Variants in ADGRB3 observed in about 807,000 individuals in gnomAD.
The protein encoded by ADGRB3 is adhesion G protein-coupled receptor B3.
Under a neutral mutation model 193.4 loss-of-function variants are expected in ADGRB3, and 37 were observed. The ratio of observed to expected loss-of-function variants is 0.19; its 90% CI spans 0.15 to 0.25. ADGRB3 has a LOEUF of 0.25. Among genes scored for constraint, ADGRB3 ranks in the 10% least tolerant of loss-of-function variants. The pLI is 1.00. For missense variants in ADGRB3, 1,637 were observed against 1,852.9 expected (o/e 0.88, Z 2.14); for synonymous variants, 690 against 644.2 (o/e 1.07, Z -1.08).
intron 20 of ADGRB3, among the ~76,000 whole-genome samples, chr6:69,273,727 T>C (rs1767230065): frequency 6.6e-6 from 1 of 152,204 alleles, no homozygotes; most frequent in South Asian, 2.1e-4. Flanking sequence ...CAAGACAACC[T>C]TGAACAGTTG....
chr6:69,233,246 G>T, intron 17 of ADGRB3, 44 bp from the exon 18 acceptor site: 1 of 1,605,628 alleles, frequency 6.2e-7, no homozygotes, highest in African/African-American at 1.3e-5. Context: ...TTGGCTATCA[G>T]GCGTATTTAT....
At chr6:69,024,345 C>T (rs541423186) in intron 13 of ADGRB3, among the ~76,000 whole-genome samples, 3 of 152,252 alleles carry the variant, frequency 2.0e-5, no homozygotes, top group African/African-American at 7.2e-5. Context: ...ATGGGATTCT[C>T]AATTCTGTAA....
chr6:69,200,130 T>TA (rs3048267), intron 17 of ADGRB3, among the ~76,000 whole-genome samples: 18,233 of 148,724 alleles, frequency 0.12, 1,211 homozygotes, highest in Middle Eastern at 0.19. Flanking sequence ...AAGTTTTAAT[T>TA]AAAAAAAAAA....
At position 69,177,975 on chromosome 6, in the gene ADGRB3, T is replaced by C. The variant is rs191877361; in HGVS notation, c.2481-55315T>C. The stretch of plus-strand genomic sequence containing the variant: ...CTCCAATTGGTCAAGTGTCAGAGTT[T>C]AGTCCAGAATTTCTTTGTTAGTTTT... On this transcript the variant is annotated intron_variant, in intron 17 of 31. Transcript: ENST00000370598. 1.2e-4 allele frequency among the ~76,000 whole-genome samples: 18 copies of C among 152,316 alleles called. No individual in the cohort carries two copies. The East Asian group carries it at 3.1e-3, about 26-fold the overall frequency.
At chr6:69,031,058 T>TTTTTTTTC (rs1562128918) in intron 13 of ADGRB3, among the ~76,000 whole-genome samples, 2 of 32,032 alleles carry the variant, frequency 6.2e-5, no homozygotes, top group African/African-American at 2.0e-4. Flanking sequence ...TCTCTTCTCT[T>TTTTTTTTC]CTCTTCTCTT....
At chr6:69,155,465 T>G (rs1395767557) in intron 17 of ADGRB3, among the ~76,000 whole-genome samples, 2 of 152,374 alleles carry the variant, frequency 1.3e-5, no homozygotes, top group East Asian at 3.9e-4. Context: ...TATGCCATCA[T>G]GTACCACAGG....
chr6:69,330,611 A>G, intron 23 of ADGRB3, 39 bp downstream of exon 23: 1 of 1,524,336 alleles, frequency 6.6e-7, no homozygotes, highest in Non-Finnish European at 8.9e-7. Flanking sequence ...TTCTTAGGAA[A>G]AAAAAAAAAG....
chr6:69,264,666 T>C (rs1184617125), intron 20 of ADGRB3, among the ~76,000 whole-genome samples: 1 of 151,852 alleles, frequency 6.6e-6, no homozygotes, highest in African/African-American at 2.4e-5. Context: ...TGAACGAGTC[T>C]CACCCAAACT....
At chr6:68,817,361 A>G (rs1366382101) in intron 3 of ADGRB3, among the ~76,000 whole-genome samples, 84 of 79,440 alleles carry the variant, frequency 1.1e-3, no homozygotes, top group South Asian at 4.6e-3. Flanking sequence ...ATATATATAT[A>G]ATTTCTGACT....
intron 17 of ADGRB3, among the ~76,000 whole-genome samples, chr6:69,209,488 C>T (rs1765608869): frequency 6.6e-6 from 1 of 152,190 alleles, no homozygotes; most frequent in Non-Finnish European, 1.5e-5. Context: ...CCAGTAAGTC[C>T]AGTGTGTTTG....
chr6:69,210,415 A>T (rs1384002665), intron 17 of ADGRB3, among the ~76,000 whole-genome samples: 2 of 151,898 alleles, frequency 1.3e-5, no homozygotes, highest in Admixed American at 1.3e-4. Context: ...GACTGTGCCT[A>T]TCCAGATTAA....
chr6:68,996,912 G>A (rs1769400708), intron 11 of ADGRB3, among the ~76,000 whole-genome samples: 1 of 152,136 alleles, frequency 6.6e-6, no homozygotes. Flanking sequence ...AACAACAAAA[G>A]TAGTGGTAAT....
chr6:69,248,794 A>G (rs1766551521), intron 20 of ADGRB3, among the ~76,000 whole-genome samples: 3 of 152,148 alleles, frequency 2.0e-5, no homozygotes, highest in Non-Finnish European at 4.4e-5. Flanking sequence ...AACAACTACA[A>G]TGTAAGGTGA....
At chr6:68,767,802 GC>G (rs1189546101) in intron 3 of ADGRB3, among the ~76,000 whole-genome samples, 2 of 152,124 alleles carry the variant, frequency 1.3e-5, no homozygotes, top group African/African-American at 4.8e-5. Context: ...CATCGTCTCA[GC>G]CCCAAGTCTC....
chr6:68,997,730 C>T (rs570996573), intron 11 of ADGRB3, among the ~76,000 whole-genome samples: 2 of 151,676 alleles, frequency 1.3e-5, no homozygotes, highest in African/African-American at 2.4e-5. Flanking sequence ...TTCCTCCCAA[C>T]ACATGAGGTC....
chr6:68,730,972 T>C (rs1362808275), intron 3 of ADGRB3, among the ~76,000 whole-genome samples: 3 of 151,564 alleles, frequency 2.0e-5, no homozygotes, highest in Non-Finnish European at 4.4e-5. Context: ...GAAAAGAACT[T>C]AATTATTCAG....
chr6:68,822,124 T>TA (rs1767758711), intron 3 of ADGRB3, among the ~76,000 whole-genome samples: 1 of 151,894 alleles, frequency 6.6e-6, no homozygotes, highest in Non-Finnish European at 1.5e-5. Context: ...TCCTCCTAGA[T>TA]ATGTATGTGC....
intron 17 of ADGRB3, among the ~76,000 whole-genome samples, chr6:69,121,018 T>A (rs1773666034): frequency 2.0e-5 from 3 of 149,056 alleles, no homozygotes; most frequent in Admixed American, 2.0e-4. Flanking sequence ...TTTTTTTTTT[T>A]AGTATTTATT....
At chr6:68,658,242 C>A in intron 3 of ADGRB3, among the ~76,000 whole-genome samples, 1 of 151,260 alleles carries the variant, frequency 6.6e-6, no homozygotes, top group Non-Finnish European at 1.5e-5. Context: ...AATTCAAGTT[C>A]ATTCTCTGAG....
Sources: gnomAD v4.1 joint callset for allele counts (sites outside exome capture counted in the v4.1 genomes callset) on GRCh38, gnomAD v4.1.1 for gene constraint, MANE v1.5 for transcripts, NCBI Gene and HGNC (gene_info 2026-07-23, HGNC 2026-07-21) for gene names.